The following TTLL4 variants were observed in gnomAD, a reference collection of about 807,000 sequenced individuals.
TTLL4 encodes tubulin tyrosine ligase like 4, also known as tubulin monoglutamylase TTLL4.
Under a neutral mutation model 122.7 loss-of-function variants are expected in TTLL4, and 85 were observed. The ratio of observed to expected loss-of-function variants is 0.69; its 90% confidence interval spans 0.58 to 0.83. The LOEUF is 0.83. TTLL4 is among the 40% of genes least tolerant of loss of function. TTLL4 has a pLI of 0.00. For synonymous variants in TTLL4, 553 were observed against 563.0 expected (o/e 0.98, Z 0.25); for missense variants, 1,363 against 1,488.6 (o/e 0.92, Z 1.39).
At chr2:218,731,646 T>G (rs1942385094) in intron 2 of TTLL4, among the ~76,000 whole-genome samples, 1 of 152,182 alleles carries the variant, frequency 6.6e-6, no homozygotes, top group South Asian at 2.1e-4. Context: ...GCCACTGTGC[T>G]TTTTGTGTGC....
chr2:218,713,226 T>C (rs181094619), intron 1 of TTLL4, among the ~76,000 whole-genome samples: 374 of 151,950 alleles, frequency 2.5e-3, no homozygotes, highest in Non-Finnish European at 3.8e-3. Flanking sequence ...CAAAAAAAAA[T>C]ATGTAAAAAT....
At chr2:218,724,623 T>C (rs540353162) in intron 1 of TTLL4, among the ~76,000 whole-genome samples, 3 of 152,218 alleles carry the variant, frequency 2.0e-5, no homozygotes, top group Admixed American at 2.0e-4. Flanking sequence ...TGTTTATGGC[T>C]CCATAATATT....
chr2:218,743,583 T>G (rs1351211936), intron 5 of TTLL4, among the ~76,000 whole-genome samples: 1 of 152,214 alleles, frequency 6.6e-6, no homozygotes, highest in African/African-American at 2.4e-5. Context: ...AATTGCTAGG[T>G]TGTATGGTGG....
rs1380427059 is a variant in TTLL4 at position 218,745,708 on chromosome 2, G to A, written c.1804G>A (p.Glu602Lys). 6.2e-7 allele frequency: 1 copy of A among 1,611,864 alleles called. No homozygotes were observed. The highest frequency in any genetic ancestry group is 1.1e-5 in the South Asian group (1 of 90,578). The change falls in exon 7 of 20, where the codon GAA becomes AAA. Residue 602 changes from glutamate to lysine, a missense_variant. Transcript: ENST00000392102. ...CTTCCCAGTGGAGAAACTTCCCTGG[G>A]AACAGAGGAAGTTGCTCCGATGGAA... Reference protein sequence around the residue: ...RDERVEKLPWEQRKLLRWKMS... With the variant: ...RDERVEKLPWKQRKLLRWKMS...
intron 1 of TTLL4, among the ~76,000 whole-genome samples, chr2:218,713,153 C>T (rs1941761734): frequency 6.6e-6 from 1 of 152,100 alleles, no homozygotes; most frequent in Admixed American, 6.5e-5. Context: ...CTGAGGCAGG[C>T]TGATCGCTTG....
At chr2:218,722,568 A>G (rs1541777) in intron 1 of TTLL4, among the ~76,000 whole-genome samples, 75,570 of 151,954 alleles carry the variant, frequency 0.5, 19,531 homozygotes, top group African/African-American at 0.61. Flanking sequence ...GTTTCAGAGG[A>G]AACCACAAAG....
rs961329832 is a variant in TTLL4, at chr2:218,720,384, G to A, written c.-177-6885G>A. On this transcript the variant is annotated intron_variant, in intron 1 of 19. Coordinates refer to ENST00000392102, the MANE Select transcript of TTLL4 (RefSeq NM_014640.5). ...CGCACTGAGTAAAAAATAGCAACAA[G>A]GAGATGGTGGTAAGAGGGGAACGCC... Among the ~76,000 whole-genome samples the A allele has an allele frequency of 1.1e-4, 17 of 152,186 alleles. 1 individual carries two copies. The highest frequency in any genetic ancestry group is 4.1e-4 in the African/African-American group (17 of 41,442).
In TTLL4 at chr2:218,739,129, G is replaced by T; in HGVS notation, c.1453G>T (p.Ala485Ser). ...GTCTGAGAAGGAGAGACCTGAGGAG[G>T]CCAGGGAGCTGGACTCATCTGATAG... ...GQSEKERPEE[A>S]RELDSSDRDI... Residue 485 changes from alanine to serine, a missense_variant, in exon 3 of 20, where the codon GCC becomes TCC. Coordinates refer to ENST00000392102, the MANE Select transcript of TTLL4 (RefSeq NM_014640.5). 1 of 1,613,892 alleles carries T rather than the reference G, an allele frequency of 6.2e-7. No homozygotes were observed. Among genetic ancestry groups the T allele is most frequent in the Non-Finnish European group, 8.5e-7 (1 of 1,180,044 alleles).
intron 1 of TTLL4, among the ~76,000 whole-genome samples, chr2:218,726,475 T>A (rs964640995): frequency 6.6e-6 from 1 of 152,228 alleles, no homozygotes; most frequent in Non-Finnish European, 1.5e-5. Context: ...TTGTTTATTT[T>A]TTTTCCGAGA....
chr2:218,757,025 T>C (rs917222597), downstream of TTLL4, among the ~76,000 whole-genome samples: 1 of 152,234 alleles, frequency 6.6e-6, no homozygotes, highest in Non-Finnish European at 1.5e-5. Flanking sequence ...CTTGGGCATG[T>C]CATCTAACTT....
At position 218,737,727 on chromosome 2, in the gene TTLL4, C is replaced by T. The variant is rs1213818538; in HGVS notation, c.51C>T (p.Asn17=). Reference sequence around the variant, plus strand: ...ATAGTATTGGCCTCCGCCAGAAAAACAGCTTCAAGCAGAGTGGTCCCTCAG... The same window carrying T: ...ATAGTATTGGCCTCCGCCAGAAAAATAGCTTCAAGCAGAGTGGTCCCTCAG... The part of the protein sequence containing the change: ...QHYSIGLRQK[N]SFKQSGPSGT... The change falls in exon 3 of 20, where the codon AAC becomes AAT. Residue 17 remains asparagine (N), a synonymous_variant. Transcript: ENST00000392102. 1 of 1,613,642 alleles carries T rather than the reference C, an allele frequency of 6.2e-7. No individual in the cohort carries two copies. The highest frequency in any genetic ancestry group is 8.5e-7 in the Non-Finnish European group (1 of 1,179,790).
chr2:218,711,696 A>T (rs1161102526), intron 1 of TTLL4, among the ~76,000 whole-genome samples: 1 of 151,998 alleles, frequency 6.6e-6, no homozygotes, highest in Non-Finnish European at 1.5e-5. Context: ...AATCAAGTAA[A>T]CGAGCATTTG....
chr2:218,758,575 G>A (rs1943191211), downstream of TTLL4, among the ~76,000 whole-genome samples: 1 of 152,200 alleles, frequency 6.6e-6, no homozygotes, highest in Non-Finnish European at 1.5e-5. Context: ...AGCTGAGGAT[G>A]TATTGATAGT....
At chr2:218,714,835 C>T (rs1310550952) in intron 1 of TTLL4, among the ~76,000 whole-genome samples, 1 of 151,878 alleles carries the variant, frequency 6.6e-6, no homozygotes, top group Non-Finnish European at 1.5e-5. Context: ...TCTCGAACTC[C>T]TGGACTCAAA....
At chr2:218,713,208 C>G (rs1018456981) in intron 1 of TTLL4, among the ~76,000 whole-genome samples, 2 of 152,054 alleles carry the variant, frequency 1.3e-5, no homozygotes, top group African/African-American at 4.8e-5. Context: ...GGCGAAACCT[C>G]TTCTCTACAA....
At chr2:218,757,710 C>T (rs1943178845), downstream of TTLL4, among the ~76,000 whole-genome samples, 1 of 152,112 alleles carries the variant, frequency 6.6e-6, no homozygotes, top group African/African-American at 2.4e-5. Context: ...AGTACATACC[C>T]AGTGGCTTCT....
In TTLL4 at chr2:218,744,969, T is replaced by C. The variant is rs1220035728; in HGVS notation, c.1662-140T>C. The stretch of plus-strand genomic sequence containing the variant: ...TTATGGATTAATATGTACAAAATAA[T>C]TATTAATTATTGAGCACCTGGCTTT... On this transcript the variant is annotated intron_variant, in intron 5 of 19. Transcript: ENST00000392102. 3 of 1,128,024 alleles carry C rather than the reference T, an allele frequency of 2.7e-6. No homozygotes were observed. In the East Asian group the frequency reaches 7.9e-5, roughly 30 times the overall value. The allele number at this position is 1,128,024 out of a possible 1,614,324, so 69.9% of individuals were successfully genotyped here.
chr2:218,714,530 T>C lies in TTLL4; in HGVS notation c.-178+3493T>C, dbSNP rs148270295. Among the ~76,000 whole-genome samples, 11 of 152,328 alleles carry C rather than the reference T, an allele frequency of 7.2e-5. No homozygotes were observed. The East Asian group carries it at 2.1e-3, about 29-fold the overall frequency. On this transcript the variant is annotated intron_variant, in intron 1 of 19. Transcript: ENST00000392102. ...AATGCCTTTTACTTCTTACCTTTTC[T>C]TCTGGCAGAGTTGGGAACAAATACT...
chr2:218,713,255 T>G (rs1941766372), intron 1 of TTLL4, among the ~76,000 whole-genome samples: 1 of 152,106 alleles, frequency 6.6e-6, no homozygotes, highest in Non-Finnish European at 1.5e-5. Flanking sequence ...CATGGTAGCG[T>G]GCTCTTATAG....
Sources: gnomAD v4.1 joint callset for allele counts (sites outside exome capture counted in the v4.1 genomes callset) on GRCh38, gnomAD v4.1.1 for gene constraint, MANE v1.5 for transcripts, NCBI Gene and HGNC (gene_info 2026-07-23, HGNC 2026-07-21) for gene names.